ATF7IP2: variants seen among roughly 807,000 people sequenced by gnomAD.
The protein encoded by ATF7IP2 is activating transcription factor 7-interacting protein 2.
Under a neutral mutation model 64.2 loss-of-function variants are expected in ATF7IP2, and 42 were observed. The ratio of observed to expected loss-of-function variants is 0.65; its 90% CI spans 0.51 to 0.85. ATF7IP2 has a LOEUF of 0.85. Among genes scored for constraint, ATF7IP2 ranks in the 40% least tolerant of loss-of-function variants. The probability of loss-of-function intolerance (pLI) is 0.00; values close to 1 mark genes in which losing one functional copy is unlikely to be tolerated. For missense variants in ATF7IP2, 933 were observed against 784.2 expected (o/e 1.19, Z -2.27); for synonymous variants, 308 against 272.8 (o/e 1.13, Z -1.27).
rs140459444 is a variant in ATF7IP2 at position 10,414,627 on chromosome 16, TTGTGTGTGTGTGTG to T, written c.-203+37_-203+50del. The T allele has an allele frequency of 4.2e-5, 4 of 94,780 alleles. No individual in the cohort carries two copies. The highest frequency in any genetic ancestry group is 5.8e-5 in the Non-Finnish European group (3 of 51,294). The allele number at this position is 94,780 out of a possible 1,614,324, so 5.9% of individuals were successfully genotyped here. A position where few individuals can be genotyped will look rare whatever the true frequency, so the allele number is the denominator to read the frequency against. ...ATCCACTGCTGGTGAGCTAGTGTGATTGTGTGTGTGTGTGTGTGTGTGTGTGTGTGTGTGTTTGG... is the reference window on the plus strand; with the variant it reads ...ATCCACTGCTGGTGAGCTAGTGTGATTGTGTGTGTGTGTGTGTGTGTTTGG... On this transcript the variant is annotated intron_variant, in intron 2 of 13. Transcript: ENST00000562102.
chr16:10,403,804 T>C (rs2047581804), intron 1 of ATF7IP2, among the ~76,000 whole-genome samples: 1 of 152,158 alleles, frequency 6.6e-6, no homozygotes, highest in Non-Finnish European at 1.5e-5. Flanking sequence ...GAAAAATTCA[T>C]TGAAGAAATT....
intron 9 of ATF7IP2, among the ~76,000 whole-genome samples, chr16:10,459,085 G>A (rs1217586189): frequency 6.6e-6 from 1 of 152,118 alleles, no homozygotes; most frequent in African/African-American, 2.4e-5. Context: ...TGTAATCCCA[G>A]CTCTTTGGGA....
At chr16:10,457,634 C>A (rs1427741390) in intron 9 of ATF7IP2, 105 bp downstream of exon 9, 2 of 888,614 alleles carry the variant, frequency 2.3e-6, no homozygotes, top group African/African-American at 1.8e-5. Flanking sequence ...TCTTAACATT[C>A]ACTCTTAAAA....
chr16:10,471,187 C>T (rs1031295734), intron 9 of ATF7IP2, among the ~76,000 whole-genome samples: 1 of 152,148 alleles, frequency 6.6e-6, no homozygotes, highest in Non-Finnish European at 1.5e-5. Flanking sequence ...CAAAATGGAT[C>T]ATACACCTAA....
intron 1 of ATF7IP2, among the ~76,000 whole-genome samples, chr16:10,389,062 C>T (rs578252988): frequency 1.3e-5 from 2 of 151,808 alleles, no homozygotes; most frequent in South Asian, 4.2e-4. Context: ...TAGTAGTTCT[C>T]TCGGGGCTGT....
intron 1 of ATF7IP2, among the ~76,000 whole-genome samples, chr16:10,390,801 G>C (rs561938724): frequency 6.6e-6 from 1 of 152,058 alleles, no homozygotes; most frequent in East Asian, 1.9e-4. Flanking sequence ...AAAGGAAAAA[G>C]AGAGACTGAA....
At chr16:10,439,766 T>C (rs2048549359) in intron 7 of ATF7IP2, among the ~76,000 whole-genome samples, 1 of 146,614 alleles carries the variant, frequency 6.8e-6, no homozygotes, top group Non-Finnish European at 1.5e-5. Context: ...ACTCCTGACC[T>C]CAAGTGATCT....
chr16:10,472,930 GT>G (rs2049859391), intron 10 of ATF7IP2, among the ~76,000 whole-genome samples: 1 of 150,032 alleles, frequency 6.7e-6, no homozygotes, highest in South Asian at 2.1e-4. Context: ...TACCCATCTT[GT>G]TTGGCTCATA....
At chr16:10,416,486 A>G (rs914936683) in intron 2 of ATF7IP2, among the ~76,000 whole-genome samples, 1 of 152,084 alleles carries the variant, frequency 6.6e-6, no homozygotes, top group South Asian at 2.1e-4. Flanking sequence ...GGGGTGGTTA[A>G]TGGGTATAAA....
At chr16:10,459,377 A>T (rs1596574466) in intron 9 of ATF7IP2, among the ~76,000 whole-genome samples, 1 of 151,758 alleles carries the variant, frequency 6.6e-6, no homozygotes, top group African/African-American at 2.4e-5. Flanking sequence ...CTGAGGCAGG[A>T]GAATGGCTTG....
chr16:10,470,801 G>GTA (rs111732771), intron 9 of ATF7IP2, among the ~76,000 whole-genome samples: 3,965 of 144,852 alleles, frequency 0.027, 162 homozygotes, highest in African/African-American at 0.093. Flanking sequence ...ATATATATAT[G>GTA]TATATATATA....
chr16:10,446,205 T>A (rs1011710693), intron 8 of ATF7IP2: 1 of 152,228 alleles, frequency 6.6e-6, no homozygotes, highest in African/African-American at 2.4e-5. Context: ...AACTTTTGTA[T>A]GGTAATTAAT....
In ATF7IP2 at chr16:10,448,937, G is replaced by A. The variant is rs530851638; in HGVS notation, c.1195-8435G>A. On this transcript the variant is annotated intron_variant, in intron 8 of 13. Transcript: ENST00000562102. ...GTTTCTGCCCATTCAGTATGATATT[G>A]GCTGTGGGTTTGTCATAAATAACTC... is the stretch of plus-strand genomic sequence containing the variant. The A allele has an allele frequency of 3.3e-5, 5 of 152,226 alleles. No homozygotes were observed. In the South Asian group the frequency reaches 6.2e-4, roughly 19 times the overall value. The allele number at this position is 152,226 out of a possible 1,614,324, so 9.4% of individuals were successfully genotyped here.
At chr16:10,415,651 A>G (rs987848931) in intron 2 of ATF7IP2, among the ~76,000 whole-genome samples, 2 of 152,228 alleles carry the variant, frequency 1.3e-5, no homozygotes, top group Non-Finnish European at 2.9e-5. Context: ...AAAGGAAACA[A>G]TCTACAAAGT....
rs754918577 is a variant in ATF7IP2 at position 10,481,885 on chromosome 16, C to T, written c.1685C>T (p.Pro562Leu). 29 of 1,611,356 alleles carry T rather than the reference C, an allele frequency of 1.8e-5. No homozygotes were observed. Among genetic ancestry groups the T allele is most frequent in the African/African-American group, 2.7e-5 (2 of 74,808 alleles). The change falls in exon 14 of 14, where the codon CCA becomes CTA. Residue 562 changes from proline to leucine, a missense_variant. Physicochemically the swap from Pro to Leu is moderately conservative, Grantham distance 98. Coordinates refer to ENST00000562102, the MANE Select transcript of ATF7IP2 (RefSeq NM_001393719.1). ...HLPPLPEPPA[P>L]LPELVDKTRD... ...CCACCTCTCCCAGAACCACCAGCAC[C>T]ACTACCTGAATTAGTAGACAAAACC...
chr16:10,408,941 T>C (rs751914111), intron 1 of ATF7IP2, among the ~76,000 whole-genome samples: 6 of 152,234 alleles, frequency 3.9e-5, no homozygotes, highest in Non-Finnish European at 8.8e-5. Context: ...TGGAGATAAA[T>C]GCTCGGTTCG....
intron 3 of ATF7IP2, among the ~76,000 whole-genome samples, chr16:10,424,290 C>T (rs2141850896): frequency 6.6e-6 from 1 of 152,278 alleles, no homozygotes; most frequent in Middle Eastern, 3.4e-3. Context: ...TGTTTATGGC[C>T]AGTTTTGGGG....
chr16:10,395,529 A>T (rs2047405065), intron 1 of ATF7IP2, among the ~76,000 whole-genome samples: 1 of 152,168 alleles, frequency 6.6e-6, no homozygotes, highest in Admixed American at 6.5e-5. Context: ...ATGTATAGAG[A>T]TGTGAAAATC....
rs139218355 is a variant in ATF7IP2 at position 10,478,762 on chromosome 16, A to G, written c.1550-2117A>G. 2.2e-3 allele frequency among the ~76,000 whole-genome samples: 332 copies of G among 152,362 alleles called. 2 individuals carry two copies. The highest frequency in any genetic ancestry group is 7.1e-3 in the African/African-American group (295 of 41,596). On this transcript the variant is annotated intron_variant, in intron 12 of 13. Transcript: ENST00000562102. ...ATTTTCGCAATCTACTCATCTGACAAAGGGCTAATATTCAGAATCTACAAT... is the reference window on the plus strand; with the variant it reads ...ATTTTCGCAATCTACTCATCTGACAGAGGGCTAATATTCAGAATCTACAAT...
Sources: allele counts gnomAD v4.1 joint callset (sites outside exome capture counted in the v4.1 genomes callset), GRCh38; gene constraint gnomAD v4.1.1; transcripts MANE v1.5; gene names NCBI Gene and HGNC (gene_info 2026-07-23, HGNC 2026-07-21).